USP4: variants seen among roughly 807,000 people sequenced by gnomAD.
USP4 encodes ubiquitin carboxyl-terminal hydrolase 4.
A neutral mutation model predicts 118.2 loss-of-function variants in USP4; 72 were observed. The ratio of observed to expected loss-of-function variants is 0.61; its 90% CI spans 0.50 to 0.74. The LOEUF is 0.74. Ranked by LOEUF, USP4 falls within the 30% of genes least tolerant of loss-of-function variation. The pLI, the probability that USP4 is intolerant of heterozygous loss-of-function variation, is 0.00. For missense variants in USP4, 1,037 were observed against 1,185.7 expected (o/e 0.87, Z 1.84); for synonymous variants, 415 against 440.4 (o/e 0.94, Z 0.72).
intron 9 of USP4, among the ~76,000 whole-genome samples, chr3:49,304,013 C>G (rs1179606425): frequency 1.3e-5 from 2 of 151,976 alleles, no homozygotes; most frequent in Non-Finnish European, 1.5e-5. Flanking sequence ...TTGGCCTCCC[C>G]ATGGGCTGGG....
chr3:49,283,957 G>A (rs750371167), intron 19 of USP4, 30 bp downstream of exon 19: 1 of 1,609,292 alleles, frequency 6.2e-7, no homozygotes, highest in South Asian at 1.1e-5. Context: ...GTTTTTAAAT[G>A]TTCCTAACAC....
At chr3:49,311,440 G>T in intron 7 of USP4, 74 bp downstream of exon 7, 1 of 1,532,662 alleles carries the variant, frequency 6.5e-7, no homozygotes. Context: ...TAGTGGAGCA[G>T]CAGATGAGCT....
intron 20 of USP4, 77 bp from the exon 21 acceptor site, chr3:49,278,979 T>C (rs1361573579): frequency 4.1e-6 from 4 of 966,090 alleles, no homozygotes; most frequent in Non-Finnish European, 6.0e-6. Flanking sequence ...TTGCACTAAA[T>C]AAACACAAAA....
chr3:49,325,078 C>G (rs1260561114), intron 4 of USP4, 39 bp from the exon 5 acceptor site: 1 of 1,600,926 alleles, frequency 6.2e-7, no homozygotes, highest in Non-Finnish European at 8.5e-7. Context: ...GCTTTGTCCA[C>G]ATGCAAGGCT....
Position 49,297,988 on chromosome 3 carries a change from G to A in USP4, c.1597-24C>T, listed in dbSNP as rs767520264. 2.8e-5 allele frequency: 43 copies of A among 1,527,370 alleles called. No homozygotes were observed. In the South Asian group the frequency reaches 4.6e-4, roughly 16 times the overall value. The allele number at this position is 1,527,370 out of a possible 1,614,324, so 94.6% of individuals were successfully genotyped here. On this transcript the variant is annotated intron_variant, in intron 12 of 21. Coordinates refer to ENST00000265560, the MANE Select transcript of USP4 (RefSeq NM_003363.4). ...ATCTAAGAATGAACAGTAACAGAAA[G>A]ACCACAGAATGGCTAAGAGTGCCCC... is the stretch of plus-strand genomic sequence containing the variant.
At chr3:49,335,275 GT>G (rs1452194580) in intron 2 of USP4, among the ~76,000 whole-genome samples, 193 bp downstream of exon 2, 1 of 152,172 alleles carries the variant, frequency 6.6e-6, no homozygotes, top group Non-Finnish European at 1.5e-5. Flanking sequence ...ATCAGATGCA[GT>G]TAATTTAAGG....
chr3:49,326,433 C>T (rs946667311), intron 3 of USP4, among the ~76,000 whole-genome samples: 5 of 152,000 alleles, frequency 3.3e-5, no homozygotes, highest in Admixed American at 6.6e-5. Context: ...AGTCTTCCTC[C>T]GTCAGCAGCC....
intron 1 of USP4, among the ~76,000 whole-genome samples, chr3:49,337,272 C>G (rs1254705195): frequency 6.6e-6 from 1 of 150,512 alleles, no homozygotes; most frequent in Non-Finnish European, 1.5e-5. Flanking sequence ...GAATAAAACC[C>G]TGTCAAAAAA....
At chr3:49,284,951 A>T (rs201225376) in intron 16 of USP4, 32 bp from the exon 17 acceptor site, 5 of 1,576,518 alleles carry the variant, frequency 3.2e-6, no homozygotes, top group Admixed American at 1.7e-5. Context: ...CTTGTTATGG[A>T]ATGGCAAGCA....
chr3:49,327,232 A>G (rs1333274396), intron 3 of USP4, among the ~76,000 whole-genome samples: 1 of 151,966 alleles, frequency 6.6e-6, no homozygotes, highest in Non-Finnish European at 1.5e-5. Flanking sequence ...CACAACCACA[A>G]TTTCCTAAAG....
intron 6 of USP4, chr3:49,316,932 C>T (rs1184626447): frequency 3.2e-6 from 2 of 618,024 alleles, no homozygotes; most frequent in Non-Finnish European, 5.7e-6. Flanking sequence ...CCGGGCTTGT[C>T]ACTGATGCCA....
In USP4 at chr3:49,281,118, C is replaced by T. The variant is rs548467048; in HGVS notation, c.2541-271G>A. Among the ~76,000 whole-genome samples the T allele has an allele frequency of 1.3e-4, 20 of 151,850 alleles. No individual in the cohort carries two copies. The East Asian group carries it at 2.1e-3, about 16-fold the overall frequency. ...GGTGGATCACCTGAGATCAGGAGTT[C>T]GAGACGAGCCCGACCAACATGGTGA... is the stretch of plus-strand genomic sequence containing the variant. On this transcript the variant is annotated intron_variant, in intron 19 of 21. Transcript: ENST00000265560.
In USP4 at chr3:49,305,822, T is replaced by C. The variant is rs756113615; in HGVS notation, c.1021A>G (p.Arg341Gly). 1.4e-5 allele frequency: 22 copies of C among 1,614,078 alleles called. No homozygotes were observed. The Admixed American group carries it at 3.7e-4, about 27-fold the overall frequency. The part of the protein sequence containing the change: ...LKDEYEAEIN[R>G]DNPLGMKGEI... ...CCTTTCATCCCCAGAGGGTTGTCTCTGTTGATTTCGGCTTCATACTCATCT... is the reference window on the plus strand; with the variant it reads ...CCTTTCATCCCCAGAGGGTTGTCTCCGTTGATTTCGGCTTCATACTCATCT... Residue 341 changes from arginine (R) to glycine (G), a missense_variant, in exon 9 of 22, where the codon AGA (arginine) becomes GGA (glycine). Around this residue, in one of 3 missense-constraint regions of USP4, gnomAD observed 487 missense variants for 534.1 expected, o/e 0.91. Coordinates refer to ENST00000265560, the MANE Select transcript of USP4 (RefSeq NM_003363.4).
At chr3:49,336,112 C>A (rs1175064553) in intron 1 of USP4, among the ~76,000 whole-genome samples, 1 of 149,666 alleles carries the variant, frequency 6.7e-6, no homozygotes, top group Non-Finnish European at 1.5e-5. Context: ...GATCCGCCTA[C>A]TTCGGCCTCC....
rs765054682 is a variant in USP4 at position 49,294,475 on chromosome 3, T to C, written c.1815A>G (p.Leu605=). ...SSASALYGQP[L]LLSVPKHKLT... is the part of the protein sequence containing the mutation. ...ACTTGTGCTTGGGGACAGAAAGCAA[T>C]AGTGGCTGCCCATATAGCGCTGATG... The change falls in exon 14 of 22, where the codon CTA becomes CTG. Residue 605 remains leucine (L), a synonymous_variant. Transcript: ENST00000265560. 1 of 1,614,138 alleles carries C rather than the reference T, an allele frequency of 6.2e-7. No individual in the cohort carries two copies. Among genetic ancestry groups the C allele is most frequent in the Non-Finnish European group, 8.5e-7 (1 of 1,180,016 alleles).
chr3:49,333,651 C>T (rs2047641955), intron 2 of USP4, among the ~76,000 whole-genome samples: 1 of 152,134 alleles, frequency 6.6e-6, no homozygotes, highest in Non-Finnish European at 1.5e-5. Context: ...GTTGGTGAAG[C>T]AGCGAGAATA....
At chr3:49,309,619 C>CTTTT (rs35128646) in intron 8 of USP4, among the ~76,000 whole-genome samples, 42 of 79,392 alleles carry the variant, frequency 5.3e-4, no homozygotes, top group Non-Finnish European at 6.6e-4. Flanking sequence ...GGCGGGACAG[C>CTTTT]TTTTTTTTTT....
chr3:49,300,396 T>G, intron 11 of USP4, 71 bp downstream of exon 11: 1 of 1,421,590 alleles, frequency 7.0e-7, no homozygotes, highest in South Asian at 1.2e-5. Context: ...ATGCAGCAGA[T>G]AGGAGCAGTC....
At chr3:49,285,191 G>A (rs1422508593) in intron 16 of USP4, among the ~76,000 whole-genome samples, 1 of 152,108 alleles carries the variant, frequency 6.6e-6, no homozygotes, top group Non-Finnish European at 1.5e-5. Context: ...CAAGATGGGA[G>A]TAATAGGGAC....
Sources: gnomAD v4.1 joint callset for allele counts (sites outside exome capture counted in the v4.1 genomes callset) on GRCh38, gnomAD v4.1.1 for gene constraint, gnomAD v4.1.1 regional missense constraint, MANE v1.5 for transcripts, NCBI Gene and HGNC (gene_info 2026-07-23, HGNC 2026-07-21) for gene names.